Variants in FRMD6 observed in about 807,000 individuals in gnomAD.
FRMD6 encodes the protein FERM domain-containing protein 6.
In FRMD6, 37 loss-of-function variants were observed where a neutral mutation model predicts 73.2. That is an observed-to-expected ratio of 0.51 (90% CI 0.39 to 0.66). The LOEUF is 0.66. FRMD6 is among the 30% of genes least tolerant of loss of function. The pLI, the probability that FRMD6 is intolerant of heterozygous loss-of-function variation, is 0.00. For missense variants in FRMD6, 714 were observed against 780.5 expected, an observed-to-expected ratio of 0.91 and a Z score of 1.02; for synonymous variants, 273 against 282.2, an observed-to-expected ratio of 0.97 and a Z score of 0.33.
chr14:51,705,445 C>T (rs1896570870), intron 6 of FRMD6, among the ~76,000 whole-genome samples: 1 of 152,074 alleles, frequency 6.6e-6, no homozygotes, highest in Admixed American at 6.6e-5. Context: ...CTCCACTCCA[C>T]CCTGTCTGTT....
At chr14:51,471,747 C>A in the FRMD6 span, among the ~76,000 whole-genome samples, 1 of 151,476 alleles carries the variant, frequency 6.6e-6, no homozygotes, top group African/African-American at 2.4e-5. Flanking sequence ...TGACAAGAGT[C>A]CAAGAGGATT....
At chr14:51,515,017 C>G (rs75981399) in intron 1 of FRMD6, among the ~76,000 whole-genome samples, 2,912 of 152,274 alleles carry the variant, frequency 0.019, 45 homozygotes, top group Middle Eastern at 0.031. Flanking sequence ...CAAGTCCCTA[C>G]CCTCTTGTTC....
chr14:51,398,808 C>A, the FRMD6 span, among the ~76,000 whole-genome samples: 1 of 152,088 alleles, frequency 6.6e-6, no homozygotes, highest in African/African-American at 2.4e-5. Flanking sequence ...TCACTGGTCT[C>A]CAGGTTTTCC....
At chr14:51,726,703 A>G (rs369715733) in intron 13 of FRMD6, among the ~76,000 whole-genome samples, 25 of 152,328 alleles carry the variant, frequency 1.6e-4, no homozygotes, top group African/African-American at 6.0e-4. Flanking sequence ...CACCTACACT[A>G]TGGGGAGAAC....
intron 1 of FRMD6, among the ~76,000 whole-genome samples, chr14:51,566,684 G>A (rs2025025): frequency 0.82 from 125,176 of 152,240 alleles, 51,778 homozygotes; most frequent in African/African-American, 0.91. Context: ...CGGTTGGTGC[G>A]AAATAATTGC....
At chr14:51,668,430 T>C (rs1288511111) in intron 1 of FRMD6, among the ~76,000 whole-genome samples, 1 of 152,022 alleles carries the variant, frequency 6.6e-6, no homozygotes, top group African/African-American at 2.4e-5. Context: ...CCTCAGCTTC[T>C]GAGTAGCTGG....
Position 51,704,767 on chromosome 14 carries a change from C to T in FRMD6, c.390C>T (p.Tyr130=). Residue 130 remains tyrosine (Y), a synonymous_variant, in exon 6 of 14, where the codon TAC becomes TAT. Transcript: ENST00000344768. ...TTTCTAGTGACAGAGCAGCAAGATA[C>T]TATTATTACTGGCACCTGAGAAAAC... is the stretch of plus-strand genomic sequence containing the variant. ...GRLISDRAAR[Y]YYYWHLRKQV... 2 of 1,612,164 alleles carry T rather than the reference C, an allele frequency of 1.2e-6. No homozygotes were observed. Among genetic ancestry groups the T allele is most frequent in the Non-Finnish European group, 1.7e-6 (2 of 1,178,918 alleles).
chr14:51,398,239 G>A, the FRMD6 span, among the ~76,000 whole-genome samples: 16 of 152,104 alleles, frequency 1.1e-4, no homozygotes, highest in Non-Finnish European at 2.2e-4. Flanking sequence ...AGAGATATTG[G>A]TACTTAGGTT....
the FRMD6 span, among the ~76,000 whole-genome samples, chr14:51,470,808 C>A: frequency 6.6e-6 from 1 of 152,098 alleles, no homozygotes; most frequent in Non-Finnish European, 1.5e-5. Flanking sequence ...TATGGGTTTT[C>A]TAGATGCCAT....
chr14:51,549,470 G>A (rs1279184878), intron 1 of FRMD6, among the ~76,000 whole-genome samples: 1 of 152,078 alleles, frequency 6.6e-6, no homozygotes, highest in Non-Finnish European at 1.5e-5. Flanking sequence ...TGTTATTCCA[G>A]CAGAGAAGAA....
chr14:51,425,223 G>A, the FRMD6 span, among the ~76,000 whole-genome samples: 1 of 152,080 alleles, frequency 6.6e-6, no homozygotes, highest in Non-Finnish European at 1.5e-5. Context: ...TCCCTGCCCT[G>A]GTCTTGGCTC....
the FRMD6 span, among the ~76,000 whole-genome samples, chr14:51,427,028 C>T: frequency 6.6e-6 from 1 of 152,324 alleles, no homozygotes; most frequent in African/African-American, 2.4e-5. Context: ...CTTTTCTCCC[C>T]TCCTCATCAG....
the FRMD6 span, among the ~76,000 whole-genome samples, chr14:51,455,546 G>A: frequency 9.2e-5 from 14 of 152,130 alleles, no homozygotes; most frequent in Non-Finnish European, 1.6e-4. Flanking sequence ...AACCTGTCCC[G>A]GACACTGAAG....
chr14:51,570,852 A>C (rs1888097198), intron 2 of FRMD6, among the ~76,000 whole-genome samples: 1 of 152,190 alleles, frequency 6.6e-6, no homozygotes, highest in South Asian at 2.1e-4. Context: ...CTCATTTAAC[A>C]AGCTTGCTTC....
intron 2 of FRMD6, among the ~76,000 whole-genome samples, chr14:51,599,458 A>G (rs1440908327): frequency 6.6e-6 from 1 of 152,200 alleles, no homozygotes; most frequent in Non-Finnish European, 1.5e-5. Context: ...TAAGTTCTCA[A>G]AAGCAATTGC....
At chr14:51,654,643 C>G (rs1457525576) in intron 1 of FRMD6, among the ~76,000 whole-genome samples, 1 of 151,246 alleles carries the variant, frequency 6.6e-6, no homozygotes. Flanking sequence ...AAAGCCAGTA[C>G]CAAGAAAAGA....
At chr14:51,569,445 G>T (rs1346544957) in intron 1 of FRMD6, among the ~76,000 whole-genome samples, 2 of 150,614 alleles carry the variant, frequency 1.3e-5, no homozygotes, top group African/African-American at 4.9e-5. Flanking sequence ...ATACTTTATT[G>T]TAACTCTGAC....
intron 1 of FRMD6, among the ~76,000 whole-genome samples, chr14:51,504,175 T>A (rs4454874): frequency 0.39 from 59,664 of 152,074 alleles, 12,004 homozygotes; most frequent in South Asian, 0.5. Context: ...GTCAGGCTAC[T>A]CTACCATAGG....
At chr14:51,618,119 G>GTGTTATC (rs1388685623) in intron 2 of FRMD6, among the ~76,000 whole-genome samples, 1 of 152,098 alleles carries the variant, frequency 6.6e-6, no homozygotes, top group African/African-American at 2.4e-5. Context: ...GAAGAACCAG[G>GTGTTATC]TGTTATCTGT....
Sources: gnomAD v4.1 joint callset for allele counts (sites outside exome capture counted in the v4.1 genomes callset) on GRCh38, gnomAD v4.1.1 for gene constraint, MANE v1.5 for transcripts, NCBI Gene and HGNC (gene_info 2026-07-23, HGNC 2026-07-21) for gene names.